The following ST6GALNAC5 variants were observed in gnomAD, a reference collection of about 807,000 sequenced individuals.
The protein encoded by ST6GALNAC5 is alpha-N-acetylgalactosaminide alpha-2,6-sialyltransferase 5.
Under a neutral mutation model 33.6 loss-of-function variants are expected in ST6GALNAC5, and 27 were observed. The ratio of observed to expected loss-of-function variants is 0.80; its 90% CI spans 0.59 to 1.11. ST6GALNAC5 has a LOEUF of 1.11. Ranked by LOEUF, ST6GALNAC5 falls within the 50% of genes least tolerant of loss-of-function variation. ST6GALNAC5 has a pLI of 0.00. For missense variants in ST6GALNAC5, 428 were observed against 454.0 expected (o/e 0.94, Z 0.52); for synonymous variants, 194 against 171.2 (o/e 1.13, Z -1.04).
chr1:77,058,547 TCTGCTAGGA>T (rs1652474634), intron 4 of ST6GALNAC5, among the ~76,000 whole-genome samples: 1 of 152,236 alleles, frequency 6.6e-6, no homozygotes, highest in Non-Finnish European at 1.5e-5. Flanking sequence ...CCCTTCACTT[TCTGCTAGGA>T]GTGGAAGCAG....
intron 2 of ST6GALNAC5, among the ~76,000 whole-genome samples, chr1:76,960,237 G>C (rs1648178582): frequency 6.6e-6 from 1 of 152,080 alleles, no homozygotes; most frequent in Admixed American, 6.5e-5. Context: ...TTTTAAAGCT[G>C]GGTATCCGGG....
intron 2 of ST6GALNAC5, among the ~76,000 whole-genome samples, chr1:77,026,607 A>G (rs1252471091): frequency 1.3e-5 from 2 of 152,240 alleles, no homozygotes; most frequent in Non-Finnish European, 2.9e-5. Context: ...CTGCAAAGTC[A>G]GCAGAGAAAG....
intron 2 of ST6GALNAC5, among the ~76,000 whole-genome samples, chr1:76,898,815 G>A (rs564151768): frequency 1.5e-4 from 23 of 152,256 alleles, no homozygotes; most frequent in African/African-American, 4.1e-4. Context: ...TTGGAGGAGC[G>A]GAGCCTGAGG....
At chr1:77,014,701 G>A (rs1650759591) in intron 2 of ST6GALNAC5, among the ~76,000 whole-genome samples, 1 of 152,142 alleles carries the variant, frequency 6.6e-6, no homozygotes, top group African/African-American at 2.4e-5. Context: ...CACCTGCTTT[G>A]TTCTCCCAAG....
At chr1:76,874,297 A>T (rs1653576381) in intron 2 of ST6GALNAC5, among the ~76,000 whole-genome samples, 1 of 152,216 alleles carries the variant, frequency 6.6e-6, no homozygotes, top group Non-Finnish European at 1.5e-5. Context: ...GGCATGACAT[A>T]GGGTCTTCTG....
chr1:77,046,258 G>A (rs1016012586), intron 3 of ST6GALNAC5, among the ~76,000 whole-genome samples: 9 of 152,162 alleles, frequency 5.9e-5, no homozygotes, highest in Admixed American at 3.3e-4. Flanking sequence ...CATAAAAATT[G>A]TTTTAAATAA....
chr1:77,054,605 T>C (rs1380222197), intron 4 of ST6GALNAC5, among the ~76,000 whole-genome samples: 1 of 152,074 alleles, frequency 6.6e-6, no homozygotes, highest in Non-Finnish European at 1.5e-5. Context: ...GTCATAGGCA[T>C]GGTGTGAGGG....
In ST6GALNAC5 at chr1:76,868,841, T is replaced by A; in HGVS notation, c.261+99T>A. 7.0e-7 allele frequency: 1 copy of A among 1,423,152 alleles called. No homozygotes were observed. The highest frequency in any genetic ancestry group is 9.1e-7 in the Non-Finnish European group (1 of 1,094,404). 88.2% of individuals were successfully genotyped at this position (1,423,152 alleles called of 1,614,324 possible). ...GGGGCTGGGAGGCGCTGTGAGTAGG[T>A]GCCGTTCGAAGGCTGGAGGGGAGTG... On this transcript the variant is annotated intron_variant, in intron 2 of 4. Transcript: ENST00000477717. This position sits in a 1 kb window ranked among gnomAD's most constrained non-coding sequence, Gnocchi z 4.3.
chr1:77,024,616 A>G (rs1651166977), intron 2 of ST6GALNAC5, among the ~76,000 whole-genome samples: 1 of 152,174 alleles, frequency 6.6e-6, no homozygotes, highest in South Asian at 2.1e-4. Flanking sequence ...CTGGATGGCC[A>G]GGGAAGGTCT....
At chr1:76,904,784 C>A (rs1646849895) in intron 2 of ST6GALNAC5, among the ~76,000 whole-genome samples, 1 of 151,790 alleles carries the variant, frequency 6.6e-6, no homozygotes, top group Non-Finnish European at 1.5e-5. Flanking sequence ...GAGATTGTGC[C>A]ACTGCATGCC....
Position 77,064,960 on chromosome 1 carries a change from A to G in ST6GALNAC5, c.*1754A>G, listed in dbSNP as rs2100487845. ...ATCAGGGTACTCACATAACATAAACAAAGTTGATATTGATGTGTATGGCTT... is the reference window on the plus strand; with the variant it reads ...ATCAGGGTACTCACATAACATAAACGAAGTTGATATTGATGTGTATGGCTT... On this transcript the variant is annotated 3_prime_UTR_variant, in exon 5 of 5. Coordinates refer to ENST00000477717, the MANE Select transcript of ST6GALNAC5 (RefSeq NM_030965.3). 6.6e-6 allele frequency: 1 copy of G among 152,332 alleles called. No homozygotes were observed. Among genetic ancestry groups the G allele is most frequent in the South Asian group, 2.1e-4 (1 of 4,822 alleles). 9.4% of individuals were successfully genotyped at this position (152,332 alleles called of 1,614,324 possible). A position where few individuals can be genotyped will look rare whatever the true frequency, so the allele number is the denominator to read the frequency against.
chr1:77,001,867 T>G (rs1256008896), intron 2 of ST6GALNAC5, among the ~76,000 whole-genome samples: 2 of 151,980 alleles, frequency 1.3e-5, no homozygotes, highest in African/African-American at 4.8e-5. Flanking sequence ...ATAAGCTTTT[T>G]GATGTGCTGC....
chr1:77,042,400 A>G (rs770015745), intron 2 of ST6GALNAC5, among the ~76,000 whole-genome samples: 5 of 152,114 alleles, frequency 3.3e-5, no homozygotes, highest in Non-Finnish European at 7.4e-5. Flanking sequence ...TTTCAAGGCT[A>G]TTTGCCCCAT....
intron 2 of ST6GALNAC5, among the ~76,000 whole-genome samples, chr1:76,902,466 T>A (rs1436340232): frequency 6.6e-6 from 1 of 152,160 alleles, no homozygotes; most frequent in East Asian, 1.9e-4. Flanking sequence ...AAAGATTCAG[T>A]ACAATCTCTG....
At position 77,016,181 on chromosome 1, in the gene ST6GALNAC5, C is replaced by CCT. The variant is rs1401705854; in HGVS notation, c.262-28022_262-28021insTC. 1.7e-3 allele frequency among the ~76,000 whole-genome samples: 50 copies of CCT among 29,628 alleles called. 14 individuals carry two copies. The highest frequency in any genetic ancestry group is 3.2e-3 in the Non-Finnish European group (37 of 11,506). 19.4% of individuals were successfully genotyped at this position (29,628 alleles called of 152,430 possible). ...TCCCCTCCTCCTCCTCCTGTCCTCC[C>CCT]CCTCCTCCTCCTGTATCTCCTCCCC... On this transcript the variant is annotated intron_variant, in intron 2 of 4. Coordinates refer to ENST00000477717, the MANE Select transcript of ST6GALNAC5 (RefSeq NM_030965.3).
chr1:76,999,407 G>A (rs549458536), intron 2 of ST6GALNAC5, among the ~76,000 whole-genome samples: 2 of 151,564 alleles, frequency 1.3e-5, no homozygotes, highest in Non-Finnish European at 2.9e-5. Flanking sequence ...GGATGGTTTG[G>A]TACAAACTTG....
chr1:76,998,099 A>G (rs1650005788), intron 2 of ST6GALNAC5, among the ~76,000 whole-genome samples: 1 of 152,174 alleles, frequency 6.6e-6, no homozygotes, highest in South Asian at 2.1e-4. Context: ...GCTATGCGGA[A>G]CTACGAGTCA....
intron 2 of ST6GALNAC5, among the ~76,000 whole-genome samples, chr1:76,946,752 G>A (rs940979689): frequency 6.6e-6 from 1 of 152,056 alleles, no homozygotes; most frequent in African/African-American, 2.4e-5. Context: ...TTCTGCTTTT[G>A]TGTCTAAATT....
At chr1:76,911,007 T>C (rs1420768399) in intron 2 of ST6GALNAC5, among the ~76,000 whole-genome samples, 1 of 152,082 alleles carries the variant, frequency 6.6e-6, no homozygotes, top group African/African-American at 2.4e-5. Flanking sequence ...AGTCCATTGA[T>C]CTACATTCAG....
Sources: gnomAD v4.1 joint callset for allele counts (sites outside exome capture counted in the v4.1 genomes callset) on GRCh38, gnomAD v4.1.1 for gene constraint, Gnocchi (gnomAD v3.1) non-coding constraint, MANE v1.5 for transcripts, NCBI Gene and HGNC (gene_info 2026-07-23, HGNC 2026-07-21) for gene names.